The following DCTN1 variants were observed in gnomAD, a reference collection of about 807,000 sequenced individuals.
DCTN1 encodes dynactin subunit 1, also known as 150 kDa dynein-associated polypeptide.
A neutral mutation model predicts 161.2 loss-of-function variants in DCTN1; 61 were observed. The ratio of observed to expected loss-of-function variants is 0.38; its 90% CI spans 0.31 to 0.47. The LOEUF (loss-of-function observed/expected upper bound fraction) is 0.47. DCTN1 is among the 20% of genes least tolerant of loss of function. The probability of loss-of-function intolerance (pLI) is 0.99; values close to 1 mark genes in which losing one functional copy is unlikely to be tolerated. For missense variants in DCTN1, 1,404 were observed against 1,623.7 expected (o/e 0.86, Z 2.33); for synonymous variants, 653 against 632.4 (o/e 1.03, Z -0.49).
Position 74,366,469 on chromosome 2 carries a change from G to A in DCTN1, c.2618C>T (p.Ala873Val), listed in dbSNP as rs1301919574. 1 of 1,614,218 alleles carries A rather than the reference G, an allele frequency of 6.2e-7. No homozygotes were observed. The highest frequency in any genetic ancestry group is 8.5e-7 in the Non-Finnish European group (1 of 1,180,034). The change falls in exon 22 of 32, where the codon GCA becomes GTA. Residue 873 changes from alanine to valine, a missense_variant. Physicochemically the swap from Ala to Val is moderately conservative, Grantham distance 64 (BLOSUM62 0). This residue lies in a region of DCTN1 where 475 missense variants were observed against 489.8 expected (regional missense o/e 0.97). Transcript: ENST00000628224. ...GCCATCCAGGCCCACCTGCTCGCTT[G>A]CTTTGAAAGCCAGTTCCTCCAGAGC... Reference protein sequence around the residue: ...VAALEELAFKASEQIYGTPSS... With the variant: ...VAALEELAFKVSEQIYGTPSS...
At position 74,370,369 on chromosome 2, in the gene DCTN1, A is replaced by G. The variant is rs111961741; in HGVS notation, c.1128-24T>C. On this transcript the variant is annotated intron_variant, in intron 11 of 31. Transcript: ENST00000628224. The surrounding 1 kb of genome is among the most constrained non-coding windows in gnomAD (Gnocchi z 4.4). ...TCCTGCAGGGATGTGAGGAAGGCAGAAGGAGGAAAGCACGTGTCAGAGTCT... is the reference window on the plus strand; with the variant it reads ...TCCTGCAGGGATGTGAGGAAGGCAGGAGGAGGAAAGCACGTGTCAGAGTCT... 71 of 1,613,910 alleles carry G rather than the reference A, an allele frequency of 4.4e-5. No individual in the cohort carries two copies. Among genetic ancestry groups the G allele is most frequent in the Admixed American group, 5.0e-5 (3 of 60,008 alleles).
At chr2:74,366,132 G>A in intron 23 of DCTN1, 112 bp downstream of exon 23, 1 of 1,609,808 alleles carries the variant, frequency 6.2e-7, no homozygotes, top group South Asian at 1.1e-5. Flanking sequence ...AGGCAGGATG[G>A]TGCTCTCCAG....
upstream of DCTN1, among the ~76,000 whole-genome samples, chr2:74,381,759 C>G (rs752260683): frequency 4.6e-5 from 7 of 152,186 alleles, no homozygotes; most frequent in Non-Finnish European, 7.4e-5. Flanking sequence ...CCTCAATTTC[C>G]TCATCCGTCA....
chr2:74,363,407 G>A lies in DCTN1; in HGVS notation c.3232C>T (p.Pro1078Ser). 1 of 1,612,538 alleles carries A rather than the reference G, an allele frequency of 6.2e-7. No homozygotes were observed. The highest frequency in any genetic ancestry group is 8.5e-7 in the Non-Finnish European group (1 of 1,179,740). ...AGCCCTGGGCCTGGCACAGACCCTG[G>A]AGCCTGCCCAGGGATGGCTCCTGTG... ...QQRGAIPGQA[P>S]GSVPGPGLVK... The change falls in exon 28 of 32, where the codon CCA becomes TCA. Residue 1078 changes from proline to serine, a missense_variant. Pro to Ser is a moderately conservative substitution (Grantham distance 74). Around this residue, in one of 9 missense-constraint regions of DCTN1, gnomAD observed 311 missense variants for 298.9 expected, o/e 1.04. Transcript: ENST00000628224.
In DCTN1 at chr2:74,370,119, AGAG is replaced by A. The variant is rs762152425; in HGVS notation, c.1288-53_1288-51del. On this transcript the variant is annotated intron_variant, in intron 12 of 31. Coordinates refer to ENST00000628224, the MANE Select transcript of DCTN1 (RefSeq NM_004082.5). This position sits in a 1 kb window ranked among gnomAD's most constrained non-coding sequence, Gnocchi z 4.4. The stretch of plus-strand genomic sequence containing the variant: ...AAGGGCTGCTGGAAGGTACCTAGAA[AGAG>A]GAGGCATCAACTGATAGGAGAGTCA... 20 of 1,613,968 alleles carry A rather than the reference AGAG, an allele frequency of 1.2e-5. No homozygotes were observed. The highest frequency in any genetic ancestry group is 1.7e-5 in the Non-Finnish European group (20 of 1,180,010).
intron 1 of DCTN1, among the ~76,000 whole-genome samples, chr2:74,378,629 T>C (rs1046804304): frequency 6.6e-6 from 1 of 152,190 alleles, no homozygotes; most frequent in East Asian, 1.9e-4. Context: ...CACAACCCAA[T>C]GCCCTGACTC....
upstream of DCTN1, among the ~76,000 whole-genome samples, chr2:74,383,400 C>T (rs1022557852): frequency 2.0e-5 from 3 of 152,228 alleles, no homozygotes; most frequent in South Asian, 2.1e-4. Context: ...TGGGTAGGCA[C>T]GGAGTTTAAC....
chr2:74,377,511 G>A (rs376276043), intron 3 of DCTN1, 45 bp from the exon 4 acceptor site: 41 of 1,573,848 alleles, frequency 2.6e-5, no homozygotes, highest in Non-Finnish European at 3.5e-5. Flanking sequence ...GTATAGAGAG[G>A]TAGGGGGAGA....
At chr2:74,362,580 G>C in intron 30 of DCTN1, 70 bp downstream of exon 30, 1 of 1,514,264 alleles carries the variant, frequency 6.6e-7, no homozygotes, top group Non-Finnish European at 9.0e-7. Context: ...GGGCTCAGAG[G>C]AACTCCACAA....
chr2:74,380,060 C>T lies in DCTN1; in HGVS notation c.-23G>A. 2 of 1,613,962 alleles carry T rather than the reference C, an allele frequency of 1.2e-6. No homozygotes were observed. Among genetic ancestry groups the T allele is most frequent in the African/African-American group, 2.7e-5 (2 of 75,036 alleles). On this transcript the variant is annotated 5_prime_UTR_variant, in exon 1 of 32. Transcript: ENST00000628224. ...CATGTTGCTCACCCGGCCTCTACCC[C>T]CTCCCCCAGCTGGCCAAAGACAGAG...
At chr2:74,372,779 A>G in intron 7 of DCTN1, 149 bp downstream of exon 7, 1 of 834,640 alleles carries the variant, frequency 1.2e-6, no homozygotes, top group East Asian at 2.5e-5. Flanking sequence ...GCCTGCCAGC[A>G]CTGCGAACCC....
chr2:74,361,245 C>G lies in DCTN1; in HGVS notation c.*254G>C, dbSNP rs1356148605. The G allele has an allele frequency of 1.6e-6, 1 of 639,036 alleles. No individual in the cohort carries two copies. Among genetic ancestry groups the G allele is most frequent in the Admixed American group, 2.1e-5 (1 of 47,604 alleles). The allele number at this position is 639,036 out of a possible 1,614,324, so 39.6% of individuals were successfully genotyped here. On this transcript the variant is annotated 3_prime_UTR_variant, in exon 32 of 32. Coordinates refer to ENST00000628224, the MANE Select transcript of DCTN1 (RefSeq NM_004082.5). The stretch of plus-strand genomic sequence containing the variant: ...TTGGTGGTGGGGTCTCAGCCTACCC[C>G]CCACAAGCCCTGAGGCCCCTCAGGA...
At position 74,362,635 on chromosome 2, in the gene DCTN1, G is replaced by A; in HGVS notation, c.3609+15C>T. 4 of 1,612,502 alleles carry A rather than the reference G, an allele frequency of 2.5e-6. No homozygotes were observed. Among genetic ancestry groups the A allele is most frequent in the Non-Finnish European group, 3.4e-6 (4 of 1,179,354 alleles). ...TATGCTGTGAAGTGAGCTCTGCCTG[G>A]CAAACTGAGCTGACCTTGAGCTTCT... On this transcript the variant is annotated intron_variant, in intron 30 of 31. Coordinates refer to ENST00000628224, the MANE Select transcript of DCTN1 (RefSeq NM_004082.5).
chr2:74,378,240 G>T lies in DCTN1; in HGVS notation c.39C>A (p.Pro13=). 6.2e-7 allele frequency: 1 copy of T among 1,607,334 alleles called. No individual in the cohort carries two copies. The highest frequency in any genetic ancestry group is 1.1e-5 in the South Asian group (1 of 91,064). Residue 13 remains proline, a synonymous_variant, in exon 2 of 32, where the codon CCC becomes CCA. Coordinates refer to ENST00000628224, the MANE Select transcript of DCTN1 (RefSeq NM_004082.5). ...QSKRHVYSRT[P]SGSRMSAEAS... ...CCTCCGCACTCATCCTGCTGCCGCT[G>T]GGCGTCTGAAAGACACAGGTAAACA...
chr2:74,374,736 G>A, intron 5 of DCTN1: 1 of 1,167,470 alleles, frequency 8.6e-7, no homozygotes, highest in Non-Finnish European at 1.1e-6. Context: ...TGGAGCCACT[G>A]CTCCTCAGTC....
At chr2:74,391,401 A>T (rs1045150480) in intron 1 of DCTN1, 8 of 232,508 alleles carry the variant, frequency 3.4e-5, no homozygotes, top group Non-Finnish European at 6.9e-5. Flanking sequence ...CACAAGTCAT[A>T]TCCAGACTCC....
upstream of DCTN1, among the ~76,000 whole-genome samples, chr2:74,382,948 G>A (rs1461569057): frequency 1.3e-5 from 2 of 151,658 alleles, no homozygotes; most frequent in East Asian, 1.9e-4. Flanking sequence ...GGTGGCGGGC[G>A]CCTGTAGTCC....
Position 74,366,558 on chromosome 2 carries a change from C to G in DCTN1, c.2529G>C (p.Glu843Asp), listed in dbSNP as rs1674426488. The G allele has an allele frequency of 1.2e-6, 2 of 1,613,940 alleles. No individual in the cohort carries two copies. Among genetic ancestry groups the G allele is most frequent in the East Asian group, 4.5e-5 (2 of 44,888 alleles). The change falls in exon 22 of 32, where the codon GAG (glutamate) becomes GAC (aspartate). Residue 843 changes from glutamate to aspartate, a missense_variant. By Grantham distance (45) the Glu-to-Asp change is conservative. Coordinates refer to ENST00000628224, the MANE Select transcript of DCTN1 (RefSeq NM_004082.5). ...TGAGCTGGGCAGCAGCAGCTGCCAC[C>G]TCCTGCAGCACAGCCACGACCCACG... is the stretch of plus-strand genomic sequence containing the variant. The part of the protein sequence containing the change: ...HLTWVVAVLQ[E>D]VAAAAAQLIA...
At chr2:74,363,726 A>G (rs1674198121) in intron 26 of DCTN1, 98 bp from the exon 27 acceptor site, 2 of 1,497,334 alleles carry the variant, frequency 1.3e-6, no homozygotes, top group Non-Finnish European at 1.8e-6. Context: ...CCTGGACACA[A>G]CCTGCAGGAA....
Sources: allele counts gnomAD v4.1 joint callset (sites outside exome capture counted in the v4.1 genomes callset), GRCh38; gene constraint gnomAD v4.1.1; regional missense constraint gnomAD v4.1.1; non-coding constraint Gnocchi (gnomAD v3.1); transcripts MANE v1.5; gene names NCBI Gene and HGNC (gene_info 2026-07-23, HGNC 2026-07-21).